NEGR1: variants seen among roughly 807,000 people sequenced by gnomAD.
NEGR1 encodes the protein IgLON family member 4.
A neutral mutation model predicts 40.9 loss-of-function variants in NEGR1; 10 were observed. That is an observed-to-expected ratio of 0.24 (90% CI 0.15 to 0.42). NEGR1 has a LOEUF of 0.42. Among genes scored for constraint, NEGR1 ranks in the 10% least tolerant of loss-of-function variants. NEGR1 has a pLI of 1.00. For synonymous variants in NEGR1, 185 were observed against 166.8 expected (o/e 1.11, Z -0.84); for missense variants, 352 against 438.9 (o/e 0.80, Z 1.77).
chr1:71,451,333 ATT>A (rs35201330), intron 6 of NEGR1, among the ~76,000 whole-genome samples: 3 of 138,352 alleles, frequency 2.2e-5, no homozygotes, highest in Non-Finnish European at 1.5e-5. Flanking sequence ...AGTGCTACAG[ATT>A]TTTTTTTTTT....
chr1:71,650,611 G>A (rs958076328), intron 4 of NEGR1, among the ~76,000 whole-genome samples: 8 of 152,100 alleles, frequency 5.3e-5, no homozygotes, highest in African/African-American at 1.9e-4. Context: ...TTGCTCATAA[G>A]CATACTTGTT....
At chr1:71,929,284 G>T (rs1344795593) in intron 2 of NEGR1, among the ~76,000 whole-genome samples, 1 of 152,068 alleles carries the variant, frequency 6.6e-6, no homozygotes, top group Non-Finnish European at 1.5e-5. Flanking sequence ...AAGTATGAAG[G>T]TGCATTCCTT....
chr1:71,492,498 C>A (rs552742624), intron 6 of NEGR1, among the ~76,000 whole-genome samples: 2 of 151,708 alleles, frequency 1.3e-5, no homozygotes, highest in African/African-American at 4.8e-5. Flanking sequence ...AATTCACAAT[C>A]TCAATTTCTC....
intron 5 of NEGR1, among the ~76,000 whole-genome samples, chr1:71,595,577 A>G (rs1457122273): frequency 2.6e-5 from 4 of 152,142 alleles, no homozygotes; most frequent in Non-Finnish European, 5.9e-5. Flanking sequence ...AATTATTCAA[A>G]TCAATTCTGA....
At chr1:71,821,065 C>T (rs1009719935) in intron 2 of NEGR1, among the ~76,000 whole-genome samples, 1 of 151,908 alleles carries the variant, frequency 6.6e-6, no homozygotes, top group Admixed American at 6.6e-5. Context: ...TATTTTCTAT[C>T]TCAGTCAGAA....
intron 1 of NEGR1, among the ~76,000 whole-genome samples, chr1:72,180,763 AC>A (rs1163129291): frequency 6.6e-6 from 1 of 152,112 alleles, no homozygotes; most frequent in African/African-American, 2.4e-5. Flanking sequence ...ATGAGATACC[AC>A]CTCAACCCCA....
At chr1:71,767,077 T>A (rs1027916892) in intron 3 of NEGR1, among the ~76,000 whole-genome samples, 3 of 152,162 alleles carry the variant, frequency 2.0e-5, no homozygotes. Context: ...AGTGCAAGAA[T>A]GGACTAATAT....
chr1:71,815,564 A>T (rs1557663151), intron 2 of NEGR1, among the ~76,000 whole-genome samples: 1 of 151,986 alleles, frequency 6.6e-6, no homozygotes, highest in Non-Finnish European at 1.5e-5. Flanking sequence ...GGTCTCTAAA[A>T]ACTTGTTTTA....
intron 1 of NEGR1, among the ~76,000 whole-genome samples, chr1:72,185,967 T>C (rs888393587): frequency 3.3e-5 from 5 of 151,880 alleles, no homozygotes; most frequent in African/African-American, 9.7e-5. Context: ...TCTTTAGATG[T>C]AATTTACTGT....
In NEGR1 at chr1:71,613,656, G is replaced by A. The variant is rs528673596; in HGVS notation, c.668-2510C>T. ...GGCAACCAAAGCGAAACTCCATCTC[G>A]AAAAAAAAAAAAAAGAATTTTGGAG... is the stretch of plus-strand genomic sequence containing the variant. On this transcript the variant is annotated intron_variant, in intron 4 of 6. Transcript: ENST00000357731. 7.7e-4 allele frequency among the ~76,000 whole-genome samples: 101 copies of A among 130,964 alleles called. 1 individual carries two copies. The highest frequency in any genetic ancestry group is 6.5e-3 in the Admixed American group (84 of 12,910). 85.9% of individuals were successfully genotyped at this position (130,964 alleles called of 152,430 possible).
intron 6 of NEGR1, among the ~76,000 whole-genome samples, chr1:71,559,631 A>G (rs1175473093): frequency 6.6e-6 from 1 of 151,640 alleles, no homozygotes; most frequent in African/African-American, 2.4e-5. Flanking sequence ...AAGGTCCTTT[A>G]AAAGAAAAAC....
At chr1:72,205,880 C>A (rs557804721) in intron 1 of NEGR1, among the ~76,000 whole-genome samples, 1 of 148,972 alleles carries the variant, frequency 6.7e-6, no homozygotes, top group Non-Finnish European at 1.5e-5. Context: ...GAGGTCGAGG[C>A]TGCAATGAGC....
intron 1 of NEGR1, among the ~76,000 whole-genome samples, chr1:71,962,790 G>A (rs1156376973): frequency 6.8e-6 from 1 of 146,796 alleles, no homozygotes; most frequent in Non-Finnish European, 1.5e-5. Flanking sequence ...TTTTCTGTAA[G>A]TATATCTTTT....
intron 4 of NEGR1, among the ~76,000 whole-genome samples, chr1:71,667,604 C>A (rs936581138): frequency 6.6e-6 from 1 of 152,134 alleles, no homozygotes; most frequent in Non-Finnish European, 1.5e-5. Flanking sequence ...TAGTCTTTTA[C>A]TTCATAATTT....
intron 4 of NEGR1, among the ~76,000 whole-genome samples, chr1:71,694,758 A>G (rs1653419407): frequency 1.3e-5 from 2 of 151,814 alleles, no homozygotes; most frequent in Non-Finnish European, 3.0e-5. Flanking sequence ...ACATAACTGA[A>G]TCTACCGGAG....
chr1:71,958,797 C>CA (rs554045668), intron 1 of NEGR1, among the ~76,000 whole-genome samples: 177 of 151,432 alleles, frequency 1.2e-3, no homozygotes, highest in Non-Finnish European at 2.1e-3. Context: ...ATTAAAAATA[C>CA]AAAAAAAATG....
At chr1:72,091,623 G>A (rs976241805) in intron 1 of NEGR1, among the ~76,000 whole-genome samples, 1 of 152,082 alleles carries the variant, frequency 6.6e-6, no homozygotes, top group Non-Finnish European at 1.5e-5. Context: ...GCAGAGTAGG[G>A]AGAACTGATT....
chr1:72,259,165 G>A (rs1655372082), intron 1 of NEGR1, among the ~76,000 whole-genome samples: 3 of 152,098 alleles, frequency 2.0e-5, no homozygotes, highest in African/African-American at 4.8e-5. Context: ...TGTAGGATAT[G>A]TCAGTAGTTA....
intron 6 of NEGR1, among the ~76,000 whole-genome samples, chr1:71,457,609 A>G (rs1452008213): frequency 1.3e-5 from 2 of 152,348 alleles, no homozygotes; most frequent in East Asian, 3.9e-4. Context: ...TAACATTTTT[A>G]TATGTAAATA....
Sources: gnomAD v4.1 joint callset for allele counts (sites outside exome capture counted in the v4.1 genomes callset) on GRCh38, gnomAD v4.1.1 for gene constraint, MANE v1.5 for transcripts, NCBI Gene and HGNC (gene_info 2026-07-23, HGNC 2026-07-21) for gene names.